Variants in CTPS2 observed in about 807,000 individuals in gnomAD.
CTPS2 encodes CTP synthase 2, also known as CTP synthase II.
A neutral mutation model predicts 46.8 loss-of-function variants in CTPS2; 19 were observed. That is an observed-to-expected ratio of 0.41 (90% confidence interval 0.28 to 0.60). CTPS2 has a LOEUF of 0.60. Ranked by LOEUF, CTPS2 falls within the 20% of genes least tolerant of loss-of-function variation. The pLI is 0.35. For missense variants in CTPS2, 286 were observed against 447.6 expected (o/e 0.64, Z 3.26); for synonymous variants, 151 against 165.2 (o/e 0.91, Z 0.66).
intron 2 of CTPS2, among the ~76,000 whole-genome samples, chrX:16,700,881 G>A (rs1924499790): frequency 8.9e-6 from 1 of 111,898 alleles, no homozygotes; most frequent in South Asian, 3.7e-4. Context: ...CAAGGCATAT[G>A]TTAATATTCC....
chrX:16,620,646 C>T (rs1474088378), intron 14 of CTPS2, among the ~76,000 whole-genome samples: 1 of 112,268 alleles, frequency 8.9e-6, no homozygotes, highest in African/African-American at 3.2e-5. Flanking sequence ...GACTAAGAGA[C>T]GGCCATGTCT....
chrX:16,619,487 G>A (rs1469393193), intron 15 of CTPS2, among the ~76,000 whole-genome samples: 4 of 111,370 alleles, frequency 3.6e-5, no homozygotes, highest in African/African-American at 9.8e-5. Flanking sequence ...GAACTATATG[G>A]GAGACCAGCT....
chrX:16,672,427 T>C (rs1441400682), intron 10 of CTPS2, among the ~76,000 whole-genome samples: 1 of 111,198 alleles, frequency 9.0e-6, no homozygotes, highest in Non-Finnish European at 1.9e-5. Flanking sequence ...TTTTCTCCCT[T>C]TATCTCCTTT....
At chrX:16,702,110 A>G (rs374232066) in intron 2 of CTPS2, among the ~76,000 whole-genome samples, 56 of 110,820 alleles carry the variant, frequency 5.1e-4, no homozygotes, top group African/African-American at 1.8e-3. Context: ...GCTGGAGTGC[A>G]ATGGCTCGAT....
chrX:16,598,449 A>G (rs1433900114), intron 17 of CTPS2, among the ~76,000 whole-genome samples: 1 of 112,129 alleles, frequency 8.9e-6, no homozygotes, highest in African/African-American at 3.2e-5. Flanking sequence ...AATAAACTAG[A>G]AAATCTAGAA....
intron 10 of CTPS2, among the ~76,000 whole-genome samples, chrX:16,672,844 GT>G (rs1288751094): frequency 2.0e-5 from 2 of 99,940 alleles, no homozygotes; most frequent in Admixed American, 2.1e-4. Context: ...CCTGTGTAAA[GT>G]TTTGATTAAT....
chrX:16,636,797 G>A (rs777651130), intron 14 of CTPS2, among the ~76,000 whole-genome samples: 13 of 110,304 alleles, frequency 1.2e-4, no homozygotes, highest in Admixed American at 4.8e-4. Context: ...GGCGCCTGTA[G>A]TCCCAGCTAC....
At chrX:16,618,292 T>C (rs1036538068) in intron 15 of CTPS2, among the ~76,000 whole-genome samples, 8 of 112,563 alleles carry the variant, frequency 7.1e-5, no homozygotes, top group African/African-American at 2.6e-4. Flanking sequence ...CTTCTATGAC[T>C]GAATAATACT....
At chrX:16,674,791 TTG>T (rs1922118156) in intron 10 of CTPS2, among the ~76,000 whole-genome samples, 1 of 106,101 alleles carries the variant, frequency 9.4e-6, no homozygotes, top group African/African-American at 3.5e-5. Flanking sequence ...TGAGCAGAGA[TTG>T]CGCCACTGCA....
intron 8 of CTPS2, 131 bp from the exon 9 acceptor site, chrX:16,683,357 G>A: frequency 1.6e-6 from 1 of 611,699 alleles, no homozygotes; most frequent in Non-Finnish European, 2.6e-6. Flanking sequence ...TAGCTACTCA[G>A]GAGGCTGAGG....
chrX:16,638,757 A>G, intron 14 of CTPS2: 1 of 334,197 alleles, frequency 3.0e-6, no homozygotes, highest in Non-Finnish European at 6.0e-6. Context: ...GCAAACAGAC[A>G]TTAAACAGGG....
chrX:16,689,613 T>C lies in CTPS2; in HGVS notation c.721-12A>G, dbSNP rs948416972. On this transcript the variant is annotated splice_polypyrimidine_tract_variant and intron_variant, in intron 7 of 18. Coordinates refer to ENST00000359276, the MANE Select transcript of CTPS2 (RefSeq NM_175859.3). ...TGGATACATATGACCTAAGTGGCGATGAGAAATCACCATACTTAGATGGAT... is the reference window on the plus strand; with the variant it reads ...TGGATACATATGACCTAAGTGGCGACGAGAAATCACCATACTTAGATGGAT... The C allele has an allele frequency of 2.9e-5, 34 of 1,192,417 alleles. No homozygotes were observed. The highest frequency in any genetic ancestry group is 3.4e-5 in the Non-Finnish European group (30 of 884,783).
intron 14 of CTPS2, among the ~76,000 whole-genome samples, chrX:16,623,135 G>A (rs548512048): frequency 1.8e-5 from 2 of 111,070 alleles, no homozygotes; most frequent in Middle Eastern, 4.6e-3. Flanking sequence ...ATTTTTGTGG[G>A]TATACAGTAG....
chrX:16,593,257 A>G (rs890142049), intron 17 of CTPS2, among the ~76,000 whole-genome samples: 8 of 110,135 alleles, frequency 7.3e-5, no homozygotes, highest in Admixed American at 9.7e-5. Context: ...GTGAAACCCC[A>G]ACTCTACTAA....
intron 1 of CTPS2, among the ~76,000 whole-genome samples, chrX:16,710,539 T>C (rs1163746194): frequency 8.9e-6 from 1 of 112,577 alleles, no homozygotes; most frequent in Non-Finnish European, 1.9e-5. Context: ...GATACCTTTT[T>C]AAAGCACCTT....
chrX:16,642,098 C>T (rs769607477), intron 13 of CTPS2, among the ~76,000 whole-genome samples: 3 of 111,993 alleles, frequency 2.7e-5, no homozygotes, highest in African/African-American at 6.5e-5. Context: ...CTTTGCACAT[C>T]GTATTTTACT....
At chrX:16,659,540 T>C (rs1028504823) in intron 13 of CTPS2, among the ~76,000 whole-genome samples, 2 of 110,424 alleles carry the variant, frequency 1.8e-5, no homozygotes, top group African/African-American at 3.3e-5. Context: ...GCACACCCAC[T>C]TCAGATCATG....
intron 16 of CTPS2, among the ~76,000 whole-genome samples, chrX:16,612,869 G>A (rs1180552341): frequency 2.7e-5 from 3 of 112,119 alleles, no homozygotes; most frequent in African/African-American, 9.7e-5. Context: ...TGTAAAGTGG[G>A]AATAGCATCA....
At chrX:16,623,901 G>A (rs758104693) in intron 14 of CTPS2, among the ~76,000 whole-genome samples, 15 of 101,205 alleles carry the variant, frequency 1.5e-4, no homozygotes, top group African/African-American at 5.2e-4. Context: ...TCCGCCTCCC[G>A]GGTTCAAGCA....
Sources: allele counts gnomAD v4.1 joint callset (sites outside exome capture counted in the v4.1 genomes callset), GRCh38; gene constraint gnomAD v4.1.1; transcripts MANE v1.5; gene names NCBI Gene and HGNC (gene_info 2026-07-23, HGNC 2026-07-21).